Variants in CCDC39 observed in about 807,000 individuals in gnomAD.
The protein encoded by CCDC39 is coiled-coil domain-containing protein 39.
Under a neutral mutation model 121.0 loss-of-function variants are expected in CCDC39, and 113 were observed. That is an observed-to-expected ratio of 0.93 (90% CI 0.80 to 1.09). CCDC39 has a LOEUF of 1.09. Ranked by LOEUF, CCDC39 falls within the 50% of genes least tolerant of loss-of-function variation. The pLI, the probability that CCDC39 is intolerant of heterozygous loss-of-function variation, is 0.00. For synonymous variants in CCDC39, 349 were observed against 352.2 expected (o/e 0.99, Z 0.10); for missense variants, 1,063 against 1,074.7 (o/e 0.99, Z 0.15).
In CCDC39 at chr3:180,619,352, C is replaced by T. The variant is rs141547546; in HGVS notation, c.2172G>A (p.Glu724=). ...TTTGTTCTTCTAGTTGAATTTTTAG[C>T]TCATACTCATCACCTGAAATGTAGA... ...KKVTPSSDEY[E]LKIQLEEQKR... The change falls in exon 16 of 20, where the codon GAG becomes GAA. Residue 724 remains glutamate (E), a synonymous_variant. Coordinates refer to ENST00000476379, the MANE Select transcript of CCDC39 (RefSeq NM_181426.2). 5 of 1,497,438 alleles carry T rather than the reference C, an allele frequency of 3.3e-6. No homozygotes were observed. The African/African-American group carries it at 7.0e-5, about 21-fold the overall frequency. 92.8% of individuals were successfully genotyped at this position (1,497,438 alleles called of 1,614,324 possible).
intron 1 of CCDC39, among the ~76,000 whole-genome samples, chr3:180,667,118 G>T (rs981738851): frequency 6.6e-6 from 1 of 152,000 alleles, no homozygotes; most frequent in Admixed American, 6.6e-5. Flanking sequence ...ACAGCTGGAA[G>T]ATAATTGATA....
Position 180,616,990 on chromosome 3 carries a change from A to G in CCDC39, c.2266-24T>C, listed in dbSNP as rs116499357. The G allele has an allele frequency of 2.4e-3, 2,854 of 1,179,482 alleles. 39 individuals are homozygous for G. The African/African-American group carries it at 0.028, about 12-fold the overall frequency. The allele number at this position is 1,179,482 out of a possible 1,614,324, so 73.1% of individuals were successfully genotyped here. ...CTCTGTAGAAAAAATATTAACATGT[A>G]TTTTTTAGAATCAGAAATTGACTTT... is the stretch of plus-strand genomic sequence containing the variant. On this transcript the variant is annotated intron_variant, in intron 16 of 19. Coordinates refer to ENST00000476379, the MANE Select transcript of CCDC39 (RefSeq NM_181426.2).
chr3:180,655,023 C>T, intron 6 of CCDC39, 70 bp from the exon 7 acceptor site: 3 of 984,468 alleles, frequency 3.0e-6, no homozygotes, highest in East Asian at 6.1e-5. Context: ...AATTTAGTTT[C>T]TATTTTTCTA....
At chr3:180,671,318 G>A (rs1576954347) in intron 1 of CCDC39, among the ~76,000 whole-genome samples, 1 of 151,772 alleles carries the variant, frequency 6.6e-6, no homozygotes, top group African/African-American at 2.4e-5. Flanking sequence ...CTGACCCTAA[G>A]TATATGTATA....
intron 7 of CCDC39, among the ~76,000 whole-genome samples, chr3:180,653,196 C>T (rs1238134667): frequency 6.6e-6 from 1 of 152,158 alleles, no homozygotes. Context: ...TGCCCAATAA[C>T]AAGAACTATC....
At chr3:180,673,174 G>A (rs943229598) in intron 1 of CCDC39, among the ~76,000 whole-genome samples, 1 of 152,170 alleles carries the variant, frequency 6.6e-6, no homozygotes, top group Non-Finnish European at 1.5e-5. Context: ...GAAATTACAA[G>A]GAATTTAGAA....
chr3:180,651,305 T>C, intron 9 of CCDC39, 96 bp downstream of exon 9: 1 of 1,013,426 alleles, frequency 9.9e-7, no homozygotes, highest in African/African-American at 1.6e-5. Context: ...GCAGAGCTTC[T>C]TACAAGACCT....
chr3:180,622,302 AT>A lies in CCDC39; in HGVS notation c.1999-2333del, dbSNP rs144079804. 7.8e-3 allele frequency among the ~76,000 whole-genome samples: 1,180 copies of A among 151,906 alleles called. 14 individuals carry two copies. Among genetic ancestry groups the A allele is most frequent in the African/African-American group, 0.027 (1,125 of 41,460 alleles). The stretch of plus-strand genomic sequence containing the variant: ...GCTGAATTCATTTATCCAATCTAAG[AT>A]TTTTTTTGGTGGAGTTCTTAGGGCT... On this transcript the variant is annotated intron_variant, in intron 14 of 19. Coordinates refer to ENST00000476379, the MANE Select transcript of CCDC39 (RefSeq NM_181426.2).
At chr3:180,643,382 C>T (rs1718004768) in intron 12 of CCDC39, among the ~76,000 whole-genome samples, 1 of 150,918 alleles carries the variant, frequency 6.6e-6, no homozygotes, top group Admixed American at 6.6e-5. Context: ...TGGAACATGA[C>T]ATAACAGAGA....
At chr3:180,651,024 A>G (rs1718192724) in intron 9 of CCDC39, among the ~76,000 whole-genome samples, 5 of 151,632 alleles carry the variant, frequency 3.3e-5, no homozygotes, top group Admixed American at 6.6e-5. Context: ...GCGAAACCCC[A>G]TCTCTACTAA....
chr3:180,675,114 CTT>C (rs1560096480), intron 1 of CCDC39, among the ~76,000 whole-genome samples: 1 of 152,004 alleles, frequency 6.6e-6, no homozygotes, highest in African/African-American at 2.4e-5. Flanking sequence ...TGGTCCTGGA[CTT>C]TTTTTGGTTG....
At chr3:180,667,313 C>A (rs1252435105) in intron 1 of CCDC39, among the ~76,000 whole-genome samples, 1 of 152,130 alleles carries the variant, frequency 6.6e-6, no homozygotes, top group East Asian at 1.9e-4. Flanking sequence ...ATAATACAGA[C>A]ACACTCCATT....
chr3:180,632,994 G>A (rs966196358), intron 13 of CCDC39, among the ~76,000 whole-genome samples: 1 of 152,170 alleles, frequency 6.6e-6, no homozygotes, highest in African/African-American at 2.4e-5. Flanking sequence ...CATGACAGTG[G>A]AAGTAAATGA....
rs558145089 is a variant in CCDC39, at chr3:180,659,368, A to G, written c.738+84T>C. On this transcript the variant is annotated intron_variant, in intron 6 of 19. Transcript: ENST00000476379. Reference sequence around the variant, plus strand: ...CTACAAAAGTGACTTTCAAATAACAATGTGATTTACATTTGGAATAATGAG... The same window carrying G: ...CTACAAAAGTGACTTTCAAATAACAGTGTGATTTACATTTGGAATAATGAG... 5.9e-6 allele frequency: 9 copies of G among 1,527,124 alleles called. No individual in the cohort carries two copies. The Admixed American group carries it at 1.2e-4, about 20-fold the overall frequency. The allele number at this position is 1,527,124 out of a possible 1,614,324, so 94.6% of individuals were successfully genotyped here.
intron 12 of CCDC39, among the ~76,000 whole-genome samples, chr3:180,642,733 A>G (rs1239306204): frequency 6.6e-6 from 1 of 152,138 alleles, no homozygotes; most frequent in Non-Finnish European, 1.5e-5. Flanking sequence ...TGCACCAAAA[A>G]TATATTCTAG....
intron 1 of CCDC39, among the ~76,000 whole-genome samples, chr3:180,676,819 T>G (rs905980179): frequency 8.8e-5 from 12 of 135,882 alleles, no homozygotes; most frequent in South Asian, 7.2e-4. Flanking sequence ...CCATAAAAAA[T>G]GATGAGTTCA....
At chr3:180,671,593 A>G (rs1414565022) in intron 1 of CCDC39, among the ~76,000 whole-genome samples, 3 of 152,194 alleles carry the variant, frequency 2.0e-5, no homozygotes, top group African/African-American at 7.2e-5. Context: ...GGATTAAATC[A>G]GCCACAATCA....
chr3:180,657,955 G>A (rs1337835432), intron 6 of CCDC39, among the ~76,000 whole-genome samples: 1 of 152,138 alleles, frequency 6.6e-6, no homozygotes, highest in Non-Finnish European at 1.5e-5. Flanking sequence ...AATATTAATA[G>A]CAGGCCAGGT....
At chr3:180,648,438 ACT>A in intron 9 of CCDC39, 79 bp from the exon 10 acceptor site, 1 of 1,049,920 alleles carries the variant, frequency 9.5e-7, no homozygotes, top group East Asian at 2.7e-5. Flanking sequence ...TAATTTAGAA[ACT>A]CAAATAAATT....
Sources: gnomAD v4.1 joint callset for allele counts (sites outside exome capture counted in the v4.1 genomes callset) on GRCh38, gnomAD v4.1.1 for gene constraint, MANE v1.5 for transcripts, NCBI Gene and HGNC (gene_info 2026-07-23, HGNC 2026-07-21) for gene names.